Variants in ERGIC1 observed in about 807,000 individuals in gnomAD.
The protein encoded by ERGIC1 is endoplasmic reticulum-Golgi intermediate compartment protein 1.
A neutral mutation model predicts 38.3 loss-of-function variants in ERGIC1; 19 were observed. The observed-to-expected ratio is 0.50, with a 90% CI of 0.35 to 0.73. The LOEUF is 0.73. Ranked by LOEUF, ERGIC1 falls within the 30% of genes least tolerant of loss-of-function variation. ERGIC1 has a pLI of 0.01. For missense variants in ERGIC1, 294 were observed against 389.2 expected, an observed-to-expected ratio of 0.76 and a Z score of 2.06; for synonymous variants, 124 against 157.6, an observed-to-expected ratio of 0.79 and a Z score of 1.60.
intron 1 of ERGIC1, among the ~76,000 whole-genome samples, chr5:172,840,679 C>G (rs1325773072): frequency 2.0e-5 from 3 of 152,204 alleles, no homozygotes; most frequent in African/African-American, 7.2e-5. Context: ...TGTTACCCCA[C>G]CAGTGAAGTG....
chr5:172,932,819 T>G, intron 8 of ERGIC1: 2 of 415,908 alleles, frequency 4.8e-6, no homozygotes, highest in East Asian at 4.7e-5. Context: ...GTCCTGGGGT[T>G]GCAGGTCTCA....
At chr5:172,947,530 A>G (rs1764150464) in intron 9 of ERGIC1, among the ~76,000 whole-genome samples, 1 of 151,920 alleles carries the variant, frequency 6.6e-6, no homozygotes, top group Admixed American at 6.6e-5. Flanking sequence ...CCCTCCCCTC[A>G]CCTCCTCAAG....
chr5:172,917,645 T>C (rs1200060405), intron 5 of ERGIC1: 1 of 152,096 alleles, frequency 6.6e-6, no homozygotes, highest in Non-Finnish European at 1.5e-5. Flanking sequence ...AAGAGCGGAT[T>C]GAATGCAAGA....
rs558153323 is a variant in ERGIC1, at chr5:172,874,485, G to T, written c.21-14214G>T. Among the ~76,000 whole-genome samples, 11 of 152,280 alleles carry T rather than the reference G, an allele frequency of 7.2e-5. No individual in the cohort carries two copies. In the South Asian group the frequency reaches 2.3e-3, roughly 32 times the overall value. ...CATCCATTGCACAAGTGCTTCTCCT[G>T]AACCTACTCTATGCCGGACACTTTT... is the stretch of plus-strand genomic sequence containing the variant. On this transcript the variant is annotated intron_variant, in intron 1 of 9. Coordinates refer to ENST00000393784, the MANE Select transcript of ERGIC1 (RefSeq NM_001031711.3).
rs114982062 is a variant in ERGIC1, at chr5:172,864,790, T to C, written c.21-23909T>C. Among the ~76,000 whole-genome samples the C allele has an allele frequency of 4.3e-3, 652 of 151,910 alleles. 3 individuals are homozygous for C. Among genetic ancestry groups the C allele is most frequent in the African/African-American group, 0.015 (618 of 41,418 alleles). ...ACCTATTATATGCTGGGCACAGTGC[T>C]GAACACTGTCTCATTTTGTCCTAAC... On this transcript the variant is annotated intron_variant, in intron 1 of 9. Transcript: ENST00000393784.
chr5:172,838,094 C>T (rs1015850301), intron 1 of ERGIC1, among the ~76,000 whole-genome samples: 1 of 152,212 alleles, frequency 6.6e-6, no homozygotes, highest in Non-Finnish European at 1.5e-5. Context: ...ATTGACTTCC[C>T]CTCTCGGAGC....
At chr5:172,865,403 G>T (rs1040883271) in intron 1 of ERGIC1, among the ~76,000 whole-genome samples, 1 of 152,214 alleles carries the variant, frequency 6.6e-6, no homozygotes, top group Non-Finnish European at 1.5e-5. Flanking sequence ...ACATAAGCCA[G>T]TGCAAAGGGT....
intron 1 of ERGIC1, among the ~76,000 whole-genome samples, chr5:172,858,408 G>A (rs184321426): frequency 1.6e-4 from 25 of 152,358 alleles, no homozygotes; most frequent in Admixed American, 5.9e-4. Context: ...AGGGAAGAGC[G>A]GACCCATTCC....
At chr5:172,842,364 T>C (rs1354502270) in intron 1 of ERGIC1, among the ~76,000 whole-genome samples, 1 of 152,218 alleles carries the variant, frequency 6.6e-6, no homozygotes, top group African/African-American at 2.4e-5. Context: ...ATGACAGAAT[T>C]TCCTTTTTTA....
At chr5:172,922,926 C>T (rs181255343) in intron 5 of ERGIC1, among the ~76,000 whole-genome samples, 5 of 152,280 alleles carry the variant, frequency 3.3e-5, no homozygotes, top group Admixed American at 2.0e-4. Flanking sequence ...CATGAAGAGA[C>T]GACCTTGGAC....
chr5:172,877,414 G>A (rs997527525), intron 1 of ERGIC1, among the ~76,000 whole-genome samples: 10 of 82,676 alleles, frequency 1.2e-4, no homozygotes, highest in Non-Finnish European at 2.1e-4. Context: ...ATATATATGT[G>A]TGTGTGTGTG....
chr5:172,851,537 A>G lies in ERGIC1; in HGVS notation c.20+17104A>G, dbSNP rs116667465. Among the ~76,000 whole-genome samples, 224 of 152,340 alleles carry G rather than the reference A, an allele frequency of 1.5e-3. 1 individual carries two copies. Among genetic ancestry groups the G allele is most frequent in the African/African-American group, 5.0e-3 (207 of 41,596 alleles). On this transcript the variant is annotated intron_variant, in intron 1 of 9. Transcript: ENST00000393784. ...AAAAAATAAAAAAATTGGATTTCCA[A>G]TGCATCTGGAAAAATGGACCTCAGT... is the stretch of plus-strand genomic sequence containing the variant.
intron 1 of ERGIC1, among the ~76,000 whole-genome samples, chr5:172,835,687 G>A (rs1406704027): frequency 6.6e-6 from 1 of 152,230 alleles, no homozygotes; most frequent in African/African-American, 2.4e-5. Flanking sequence ...GACCCCCATA[G>A]CATGGGATAT....
chr5:172,836,691 C>T (rs1481713317), intron 1 of ERGIC1, among the ~76,000 whole-genome samples: 1 of 152,160 alleles, frequency 6.6e-6, no homozygotes, highest in South Asian at 2.1e-4. Flanking sequence ...CAGGCCCCAC[C>T]GTGAGGAGGT....
intron 2 of ERGIC1, among the ~76,000 whole-genome samples, chr5:172,889,270 G>A (rs1286558790): frequency 6.6e-6 from 1 of 152,038 alleles, no homozygotes; most frequent in African/African-American, 2.4e-5. Context: ...GGCAACAAGA[G>A]CGAGACTCCA....
intron 4 of ERGIC1, among the ~76,000 whole-genome samples, chr5:172,910,355 G>A (rs887713852): frequency 6.6e-6 from 1 of 152,144 alleles, no homozygotes; most frequent in African/African-American, 2.4e-5. Context: ...GGAGAAGGGC[G>A]CAGCTCTGAG....
At chr5:172,845,659 C>A (rs879257282) in intron 1 of ERGIC1, among the ~76,000 whole-genome samples, 1 of 152,180 alleles carries the variant, frequency 6.6e-6, no homozygotes, top group Non-Finnish European at 1.5e-5. Context: ...TAACTAAATA[C>A]ACTTTTTATT....
chr5:172,947,876 TTGTGTGTGTGTGTG>T (rs10566172), intron 9 of ERGIC1, among the ~76,000 whole-genome samples: 5 of 145,728 alleles, frequency 3.4e-5, no homozygotes, highest in South Asian at 4.4e-4. Context: ...CAGATGTGTT[TTGTGTGTGTGTGTG>T]TGTGTGTGTG....
intron 8 of ERGIC1, 87 bp from the exon 9 acceptor site, chr5:172,935,101 A>G: frequency 6.3e-7 from 1 of 1,594,852 alleles, no homozygotes; most frequent in Non-Finnish European, 8.6e-7. Flanking sequence ...CCCTTTCTGG[A>G]GGGTTGCTGG....
Sources: gnomAD v4.1 joint callset for allele counts (sites outside exome capture counted in the v4.1 genomes callset) on GRCh38, gnomAD v4.1.1 for gene constraint, MANE v1.5 for transcripts, NCBI Gene and HGNC (gene_info 2026-07-23, HGNC 2026-07-21) for gene names.